Variants in USHBP1 observed in about 807,000 individuals in gnomAD.
The protein encoded by USHBP1 is USH1 protein network component harmonin binding protein 1.
USHBP1 carries 67 observed loss-of-function variants against 76.2 expected under a neutral mutation model. The ratio of observed to expected loss-of-function variants is 0.88; its 90% confidence interval spans 0.72 to 1.08. The LOEUF (loss-of-function observed/expected upper bound fraction) is 1.08. Ranked by LOEUF, USHBP1 falls within the 50% of genes least tolerant of loss-of-function variation. The pLI is 0.00. For synonymous variants in USHBP1, 322 were observed against 362.2 expected (o/e 0.89, Z 1.26); for missense variants, 931 against 915.0 (o/e 1.02, Z -0.23).
chr19:17,254,427 G>A (rs1021116226), intron 10 of USHBP1, among the ~76,000 whole-genome samples: 11 of 151,666 alleles, frequency 7.3e-5, no homozygotes, highest in African/African-American at 2.4e-4. Flanking sequence ...AGGCTGAGGC[G>A]GGCGCATCAC....
intron 12 of USHBP1, 121 bp from the exon 13 acceptor site, chr19:17,250,535 G>T: frequency 8.5e-7 from 1 of 1,178,722 alleles, no homozygotes; most frequent in Non-Finnish European, 1.2e-6. Flanking sequence ...GTCCCAGCTA[G>T]CTGGTCTTTT....
intron 3 of USHBP1, 51 bp downstream of exon 3, chr19:17,263,951 G>T: frequency 6.8e-7 from 1 of 1,474,646 alleles, no homozygotes. Flanking sequence ...TCTGTGGATG[G>T]CAAAGATGCG....
intron 10 of USHBP1, among the ~76,000 whole-genome samples, chr19:17,252,581 G>A (rs543154668): frequency 3.3e-5 from 5 of 152,130 alleles, no homozygotes; most frequent in African/African-American, 1.2e-4. Flanking sequence ...ATAAAAATTA[G>A]TCTGGCATGG....
Position 17,263,100 on chromosome 19 carries a change from C to T in USHBP1, c.204-110G>A, listed in dbSNP as rs1486573984. 87 of 1,165,690 alleles carry T rather than the reference C, an allele frequency of 7.5e-5. No homozygotes were observed. The Middle Eastern group carries it at 1.6e-3, about 21-fold the overall frequency. 72.2% of individuals were successfully genotyped at this position (1,165,690 alleles called of 1,614,324 possible). On this transcript the variant is annotated intron_variant, in intron 3 of 12. Transcript: ENST00000252597. ...TTGCCCAGCCTGGAGTGCAGTGGCG[C>T]GATCTCGGCTCACTGCAACCTCCAC...
intron 4 of USHBP1, among the ~76,000 whole-genome samples, chr19:17,262,280 G>C (rs1163118170): frequency 6.6e-6 from 1 of 152,108 alleles, no homozygotes; most frequent in Non-Finnish European, 1.5e-5. Flanking sequence ...TGGGATTACA[G>C]GTGTGAGCCA....
rs2073532029 is a variant in USHBP1, at chr19:17,250,246, C to G, written c.2091G>C (p.Gln697His). The G allele has an allele frequency of 1.2e-6, 2 of 1,611,822 alleles. No homozygotes were observed. The highest frequency in any genetic ancestry group is 8.5e-7 in the Non-Finnish European group (1 of 1,179,328). The change falls in exon 13 of 13, where the codon CAG (glutamine) becomes CAC (histidine). Residue 697 changes from glutamine (Q) to histidine (H), a missense_variant. Coordinates refer to ENST00000252597, the MANE Select transcript of USHBP1 (RefSeq NM_031941.4). ...GKPRPPLPPP[Q>H]LGDTFL is the part of the protein sequence containing the mutation. ...GGGCCTACAGAAAGGTGTCCCCAAG[C>G]TGGGGAGGCGGGAGGGGAGGCCTGG...
In USHBP1 at chr19:17,249,784, C is replaced by A. The variant is rs998048688; in HGVS notation, c.*441G>T. ...TACAGATGTGCACCACTGAGCCCGG[C>A]CCCCTTCAGGAAAATCTGCCAGCCA... is the stretch of plus-strand genomic sequence containing the variant. On this transcript the variant is annotated 3_prime_UTR_variant, in exon 13 of 13. Transcript: ENST00000252597. The A allele has an allele frequency of 3.2e-5, 6 of 184,626 alleles. No individual in the cohort carries two copies. The highest frequency in any genetic ancestry group is 2.1e-4 in the South Asian group (2 of 9,376). The allele number at this position is 184,626 out of a possible 1,614,324, so 11.4% of individuals were successfully genotyped here.
chr19:17,255,860 G>A (rs2073613198), intron 9 of USHBP1, among the ~76,000 whole-genome samples: 1 of 152,100 alleles, frequency 6.6e-6, no homozygotes, highest in African/African-American at 2.4e-5. Flanking sequence ...AATTAGCCAG[G>A]TGTGGTGGTG....
In USHBP1 at chr19:17,256,458, A is replaced by G. The variant is rs1421808635; in HGVS notation, c.1470+13T>C. 6.2e-7 allele frequency: 1 copy of G among 1,612,586 alleles called. No individual in the cohort carries two copies. The highest frequency in any genetic ancestry group is 8.5e-7 in the Non-Finnish European group (1 of 1,179,930). On this transcript the variant is annotated intron_variant, in intron 9 of 12. Coordinates refer to ENST00000252597, the MANE Select transcript of USHBP1 (RefSeq NM_031941.4). ...CAAGAAAGACTGACACAGTGGCCACAGCCCATTTGTACCCTTGCGGCCACC... is the reference window on the plus strand; with the variant it reads ...CAAGAAAGACTGACACAGTGGCCACGGCCCATTTGTACCCTTGCGGCCACC...
In USHBP1 at chr19:17,259,646, G is replaced by T; in HGVS notation, c.855C>A (p.Pro285=). ...CCATGATGTGCATCTCAGGACTGAG[G>T]GGCTGGTTGGGAAGAGACCCAAGGA... ...TQILGSLPNQ[P]LSPEMHIMEA... The change falls in exon 6 of 13, where the codon CCC becomes CCA. Residue 285 remains proline, a synonymous_variant. Coordinates refer to ENST00000252597, the MANE Select transcript of USHBP1 (RefSeq NM_031941.4). The T allele has an allele frequency of 6.2e-7, 1 of 1,614,024 alleles. No individual in the cohort carries two copies. Among genetic ancestry groups the T allele is most frequent in the Non-Finnish European group, 8.5e-7 (1 of 1,179,980 alleles).
At position 17,252,020 on chromosome 19, in the gene USHBP1, A is replaced by G. The variant is rs1350075343; in HGVS notation, c.1693-3T>C. The G allele has an allele frequency of 7.8e-6, 12 of 1,547,366 alleles. No individual in the cohort carries two copies. The highest frequency in any genetic ancestry group is 1.0e-5 in the Non-Finnish European group (12 of 1,146,920). On this transcript the variant is annotated splice_polypyrimidine_tract_variant and splice_region_variant and intron_variant, in intron 10 of 12. Transcript: ENST00000252597. ...CCACCAGGGACAGCAGGAAGGCCCT[A>G]AGGGAGGCAGAAGACAAGAAAGTGA... is the stretch of plus-strand genomic sequence containing the variant.
At chr19:17,260,063 C>G (rs1485811946) in intron 4 of USHBP1, 41 bp from the exon 5 acceptor site, 1 of 1,588,284 alleles carries the variant, frequency 6.3e-7, no homozygotes, top group Non-Finnish European at 8.6e-7. Flanking sequence ...GGGGCTCAAA[C>G]CAACCACCAG....
intron 10 of USHBP1, among the ~76,000 whole-genome samples, chr19:17,253,575 C>A (rs2073580409): frequency 6.7e-6 from 1 of 149,420 alleles, no homozygotes; most frequent in Non-Finnish European, 1.5e-5. Context: ...AGGTGTGAGC[C>A]ACCGTGCCTG....
At chr19:17,257,253 G>A (rs1450164122) in intron 8 of USHBP1, among the ~76,000 whole-genome samples, 3 of 145,142 alleles carry the variant, frequency 2.1e-5, no homozygotes, top group African/African-American at 5.0e-5. Context: ...GGATGGTCTC[G>A]ATCTCCTGAC....
At chr19:17,252,794 G>T (rs528814305) in intron 10 of USHBP1, among the ~76,000 whole-genome samples, 1 of 151,514 alleles carries the variant, frequency 6.6e-6, no homozygotes, top group South Asian at 2.1e-4. Flanking sequence ...GGCTGAGGCA[G>T]GAGAATCACT....
intron 12 of USHBP1, 57 bp from the exon 13 acceptor site, chr19:17,250,471 G>C: frequency 6.4e-7 from 1 of 1,567,876 alleles, no homozygotes; most frequent in Non-Finnish European, 8.6e-7. Context: ...CCAAGGCAAG[G>C]GCCGTGTACT....
rs1474155820 is a variant in USHBP1, at chr19:17,255,404, T to A, written c.1673A>T (p.Asp558Val). The A allele has an allele frequency of 3.1e-6, 5 of 1,613,828 alleles. No individual in the cohort carries two copies. The highest frequency in any genetic ancestry group is 4.2e-6 in the Non-Finnish European group (5 of 1,179,944). ...GCTCACCTGATACCACTCTTCCTCG[T>A]CCCCGCTGCTGCCACCTCCGCTGCT... ...GHSSGGGSSGDEEEWYQGLPA... is the reference protein window; with the variant it reads ...GHSSGGGSSGVEEEWYQGLPA... The change falls in exon 10 of 13, where the codon GAC (aspartate) becomes GTC (valine). Residue 558 changes from aspartate (D) to valine (V), a missense_variant. Physicochemically the swap from Asp to Val is radical, Grantham distance 152. Transcript: ENST00000252597.
chr19:17,253,521 C>A (rs1365012860), intron 10 of USHBP1, among the ~76,000 whole-genome samples: 1 of 149,758 alleles, frequency 6.7e-6, no homozygotes, highest in Non-Finnish European at 1.5e-5. Flanking sequence ...GAACTCCTGA[C>A]CTCATGATCC....
rs2073703184 is a variant in USHBP1 at position 17,262,632 on chromosome 19, T to C, written c.562A>G (p.Ser188Gly). ...CGGACCAGCTCATCCTCTCGGCTACTCAGGGCCAGCCGGAGCCAGGCATTC... is the reference window on the plus strand; with the variant it reads ...CGGACCAGCTCATCCTCTCGGCTACCCAGGGCCAGCCGGAGCCAGGCATTC... ...ERNAWLRLALSSREDELVRTQ... is the reference protein window; with the variant it reads ...ERNAWLRLALGSREDELVRTQ... The change falls in exon 4 of 13, where the codon AGT becomes GGT. Residue 188 changes from serine to glycine, a missense_variant. By Grantham distance (56) the Ser-to-Gly change is moderately conservative. Transcript: ENST00000252597. 6.2e-7 allele frequency: 1 copy of C among 1,613,726 alleles called. No individual in the cohort carries two copies. Among genetic ancestry groups the C allele is most frequent in the Admixed American group, 1.7e-5 (1 of 60,000 alleles).
Sources: gnomAD v4.1 joint callset for allele counts (sites outside exome capture counted in the v4.1 genomes callset) on GRCh38, gnomAD v4.1.1 for gene constraint, MANE v1.5 for transcripts, NCBI Gene and HGNC (gene_info 2026-07-23, HGNC 2026-07-21) for gene names.